RMST: variants seen among roughly 807,000 people sequenced by gnomAD.
The protein encoded by RMST is rhabdomyosarcoma 2 associated transcript.
chr12:97,478,051 C>T (rs1044329378), intron 5 of RMST, among the ~76,000 whole-genome samples: 1 of 152,194 alleles, frequency 6.6e-6, no homozygotes, highest in Admixed American at 6.5e-5. Flanking sequence ...AATTGTCTTT[C>T]TGTCTTTGCT....
intron 11 of RMST, among the ~76,000 whole-genome samples, chr12:97,536,637 G>C (rs1379015987): frequency 1.3e-5 from 2 of 151,332 alleles, no homozygotes; most frequent in Admixed American, 6.6e-5. Context: ...ATAAAAGTAG[G>C]GACACTGAGC....
At chr12:97,547,216 T>A (rs1294715768) in intron 11 of RMST, among the ~76,000 whole-genome samples, 3 of 149,262 alleles carry the variant, frequency 2.0e-5, no homozygotes, top group African/African-American at 7.3e-5. Context: ...AATAATAATA[T>A]AATAAAAATA....
intron 10 of RMST, among the ~76,000 whole-genome samples, chr12:97,511,957 T>C (rs1388116274): frequency 6.6e-6 from 1 of 152,334 alleles, no homozygotes; most frequent in East Asian, 1.9e-4. Flanking sequence ...CCGGAATTGG[T>C]GAGTTCTTAG....
intron 5 of RMST, among the ~76,000 whole-genome samples, chr12:97,473,908 G>T (rs1874219001): frequency 6.6e-6 from 1 of 152,090 alleles, no homozygotes; most frequent in Non-Finnish European, 1.5e-5. Context: ...AAAAGCAAAG[G>T]CCTAGTAATG....
intron 10 of RMST, among the ~76,000 whole-genome samples, chr12:97,509,234 A>G (rs1252603676): frequency 6.6e-6 from 1 of 152,222 alleles, no homozygotes; most frequent in Non-Finnish European, 1.5e-5. Context: ...AGATTTCACC[A>G]TAGGCATACA....
intron 10 of RMST, among the ~76,000 whole-genome samples, chr12:97,526,822 T>C (rs1881157253): frequency 6.6e-6 from 1 of 152,202 alleles, no homozygotes; most frequent in African/African-American, 2.4e-5. Flanking sequence ...GTACTGTTTC[T>C]TGGTGATTCT....
At chr12:97,509,343 C>G (rs1003008104) in intron 10 of RMST, among the ~76,000 whole-genome samples, 1 of 152,068 alleles carries the variant, frequency 6.6e-6, no homozygotes, top group African/African-American at 2.4e-5. Context: ...GTATAAAAAG[C>G]TTTTTCATTA....
intron 10 of RMST, among the ~76,000 whole-genome samples, chr12:97,499,598 A>C (rs965126385): frequency 2.6e-5 from 4 of 151,698 alleles, no homozygotes; most frequent in Non-Finnish European, 5.9e-5. Context: ...AAAATGATAT[A>C]GAGCTTTTTA....
intron 11 of RMST, among the ~76,000 whole-genome samples, chr12:97,544,227 GTTA>G (rs894239698): frequency 5.3e-5 from 8 of 152,006 alleles, no homozygotes; most frequent in Admixed American, 1.3e-4. Flanking sequence ...CTTACTCATG[GTTA>G]CTCAAGTTCA....
exon 9 of RMST, chr12:97,494,730 G>T (rs1032367101): frequency 1.1e-4 from 16 of 151,790 alleles, no homozygotes; most frequent in Admixed American, 3.9e-4. Context: ...TACAATTTAT[G>T]CTCTAACTTT....
chr12:97,471,500 A>G (rs1459190510), intron 5 of RMST, among the ~76,000 whole-genome samples: 1 of 152,148 alleles, frequency 6.6e-6, no homozygotes, highest in Non-Finnish European at 1.5e-5. Context: ...GTCTTGTAGT[A>G]GTAGTAGCTG....
chr12:97,464,650 T>G (rs1433053905), intron 4 of RMST, among the ~76,000 whole-genome samples: 1 of 152,210 alleles, frequency 6.6e-6, no homozygotes, highest in African/African-American at 2.4e-5. Context: ...TGAAAAGAGA[T>G]CTGAACTCAT....
At chr12:97,464,319 C>G (rs1249907157) in intron 4 of RMST, among the ~76,000 whole-genome samples, 1 of 152,150 alleles carries the variant, frequency 6.6e-6, no homozygotes, top group African/African-American at 2.4e-5. Flanking sequence ...CCTGATACAA[C>G]ACATTGTTTA....
intron 11 of RMST, among the ~76,000 whole-genome samples, chr12:97,547,002 G>C (rs1882984447): frequency 6.6e-6 from 1 of 151,686 alleles, no homozygotes; most frequent in Non-Finnish European, 1.5e-5. Flanking sequence ...ATCTTTCTAT[G>C]AGTTAAACTT....
exon 13 of RMST, chr12:97,560,949 A>G (rs1884063480): frequency 6.6e-6 from 1 of 152,366 alleles, no homozygotes; most frequent in Non-Finnish European, 1.5e-5. Context: ...TGAGAAAGAA[A>G]TTACCCACAC....
chr12:97,503,473 G>T (rs1228495899), intron 10 of RMST, among the ~76,000 whole-genome samples: 1 of 149,542 alleles, frequency 6.7e-6, no homozygotes, highest in Non-Finnish European at 1.5e-5. Context: ...AAAAAAAAAG[G>T]TGGGATGCTT....
At chr12:97,497,370 C>T (rs544681066) in intron 10 of RMST, among the ~76,000 whole-genome samples, 1 of 152,248 alleles carries the variant, frequency 6.6e-6, no homozygotes, top group Admixed American at 6.5e-5. Flanking sequence ...TATAAATGTC[C>T]TTTGGGCCCA....
intron 11 of RMST, among the ~76,000 whole-genome samples, chr12:97,548,001 T>A (rs1651327094): frequency 6.6e-6 from 1 of 152,106 alleles, no homozygotes; most frequent in African/African-American, 2.4e-5. Context: ...TTCCCTTATG[T>A]TCTAATCTAG....
At chr12:97,506,675 G>A (rs1175768149) in intron 10 of RMST, among the ~76,000 whole-genome samples, 1 of 76,946 alleles carries the variant, frequency 1.3e-5, no homozygotes, top group African/African-American at 5.3e-5. Flanking sequence ...AGGGTAATCT[G>A]TTTTTTTTTT....
Sources: allele counts gnomAD v4.1 joint callset (sites outside exome capture counted in the v4.1 genomes callset), GRCh38; gene constraint gnomAD v4.1.1; transcripts MANE v1.5; gene names NCBI Gene and HGNC (gene_info 2026-07-23, HGNC 2026-07-21).